Variants in B3GALT1 observed in about 807,000 individuals in gnomAD.
The protein encoded by B3GALT1 is beta-1,3-galactosyltransferase 1.
In B3GALT1, 10 loss-of-function variants were observed where a neutral mutation model predicts 23.2. The ratio of observed to expected loss-of-function variants is 0.43; its 90% CI spans 0.27 to 0.73. B3GALT1 has a LOEUF of 0.73. B3GALT1 is among the 30% of genes least tolerant of loss of function. The probability of loss-of-function intolerance (pLI) is 0.21; values close to 1 mark genes in which losing one functional copy is unlikely to be tolerated. For missense variants in B3GALT1, 299 were observed against 405.4 expected, an observed-to-expected ratio of 0.74 and a Z score of 2.25; for synonymous variants, 156 against 141.5, an observed-to-expected ratio of 1.10 and a Z score of -0.73.
At chr2:167,640,256 G>T (rs1020255781) in intron 2 of B3GALT1, among the ~76,000 whole-genome samples, 8 of 152,048 alleles carry the variant, frequency 5.3e-5, no homozygotes, top group Admixed American at 1.3e-4. Context: ...TATTGCCTCA[G>T]AATTGGGAAA....
intron 3 of B3GALT1, among the ~76,000 whole-genome samples, chr2:167,802,117 A>G (rs1688647639): frequency 6.6e-6 from 1 of 152,190 alleles, no homozygotes; most frequent in South Asian, 2.1e-4. Context: ...GTGGGAATAT[A>G]CTGTAGACCT....
intron 4 of B3GALT1, among the ~76,000 whole-genome samples, chr2:167,827,191 T>G (rs1437902761): frequency 6.6e-6 from 1 of 152,176 alleles, no homozygotes; most frequent in Non-Finnish European, 1.5e-5. Context: ...TTTCATCTAC[T>G]GCCCAAAACA....
intron 4 of B3GALT1, among the ~76,000 whole-genome samples, chr2:167,836,592 G>A (rs1410371911): frequency 6.6e-6 from 1 of 152,096 alleles, no homozygotes; most frequent in African/African-American, 2.4e-5. Flanking sequence ...AACCAAGTTG[G>A]AAAACACTCT....
At chr2:167,542,673 G>T (rs1008123908) in intron 2 of B3GALT1, among the ~76,000 whole-genome samples, 2 of 152,068 alleles carry the variant, frequency 1.3e-5, no homozygotes, top group African/African-American at 4.8e-5. Flanking sequence ...GTCAGATGTT[G>T]ATGGAAAAGC....
rs869066627 is a variant in B3GALT1 at position 167,545,023 on chromosome 2, C to CTTTTTTTTTTT, written c.-410+54767_-410+54777dup. Reference sequence around the variant, plus strand: ...GGAAGGCCGCTTTTGGCTTGGGTGTCTTTTTTTTTTTTTTTTTTTTTTTTT... The same window carrying CTTTTTTTTTTT: ...GGAAGGCCGCTTTTGGCTTGGGTGTCTTTTTTTTTTTTTTTTTTTTTTTTTTTTTTTTTTTT... On this transcript the variant is annotated intron_variant, in intron 2 of 4. Coordinates refer to ENST00000392690, the MANE Select transcript of B3GALT1 (RefSeq NM_020981.4). 4.4e-4 allele frequency among the ~76,000 whole-genome samples: 24 copies of CTTTTTTTTTTT among 54,286 alleles called. 4 individuals carry two copies. Among genetic ancestry groups the CTTTTTTTTTTT allele is most frequent in the African/African-American group, 1.0e-3 (13 of 12,802 alleles). 35.6% of individuals were successfully genotyped at this position (54,286 alleles called of 152,430 possible).
intron 3 of B3GALT1, among the ~76,000 whole-genome samples, chr2:167,680,163 A>G (rs1184515662): frequency 6.6e-6 from 1 of 152,238 alleles, no homozygotes; most frequent in African/African-American, 2.4e-5. Flanking sequence ...TTAGTTCTAC[A>G]TAAATATTTT....
chr2:167,436,884 A>G (rs79634903), intron 1 of B3GALT1, among the ~76,000 whole-genome samples: 10,140 of 152,214 alleles, frequency 0.067, 464 homozygotes, highest in African/African-American at 0.13. Flanking sequence ...GGTTAGTGTC[A>G]TGCTTTCTGG....
chr2:167,297,965 T>G (rs1358267347), intron 1 of B3GALT1, among the ~76,000 whole-genome samples: 1 of 152,146 alleles, frequency 6.6e-6, no homozygotes, highest in African/African-American at 2.4e-5. Context: ...TATTGTCAAC[T>G]CAGTATTTTA....
At chr2:167,778,116 G>A (rs1005328552) in intron 3 of B3GALT1, among the ~76,000 whole-genome samples, 1 of 152,118 alleles carries the variant, frequency 6.6e-6, no homozygotes, top group Non-Finnish European at 1.5e-5. Context: ...CAGTCCATAT[G>A]GAGTTAACAG....
Position 167,305,178 on chromosome 2 carries a change from A to G in B3GALT1, c.-511+11844A>G, listed in dbSNP as rs151088685. Among the ~76,000 whole-genome samples, 5 of 152,298 alleles carry G rather than the reference A, an allele frequency of 3.3e-5. No homozygotes were observed. In the East Asian group the frequency reaches 9.6e-4, roughly 29 times the overall value. On this transcript the variant is annotated intron_variant, in intron 1 of 4. Transcript: ENST00000392690. ...AAATTAACCATCACAGTATCTTTCC[A>G]GATACTGTGCCTATGCACATACAGA...
intron 4 of B3GALT1, among the ~76,000 whole-genome samples, chr2:167,858,466 A>G (rs1690040691): frequency 6.6e-6 from 1 of 152,028 alleles, no homozygotes; most frequent in Non-Finnish European, 1.5e-5. Context: ...TCATGTTTAC[A>G]TTAATAATGA....
At chr2:167,322,499 CAT>C (rs1696829299) in intron 1 of B3GALT1, among the ~76,000 whole-genome samples, 1 of 151,978 alleles carries the variant, frequency 6.6e-6, no homozygotes, top group South Asian at 2.1e-4. Context: ...CTTCTGAACA[CAT>C]GAATGTGCTA....
chr2:167,610,801 T>A (rs1479140153), intron 2 of B3GALT1, among the ~76,000 whole-genome samples: 2 of 151,180 alleles, frequency 1.3e-5, no homozygotes, highest in Admixed American at 1.3e-4. Context: ...CAACCAAACC[T>A]GTGTCTTAAG....
chr2:167,797,444 T>C (rs1688562263), intron 3 of B3GALT1, among the ~76,000 whole-genome samples: 1 of 152,198 alleles, frequency 6.6e-6, no homozygotes, highest in South Asian at 2.1e-4. Flanking sequence ...AATATACAAG[T>C]GCATGTATCT....
chr2:167,781,227 G>A (rs954209517), intron 3 of B3GALT1, among the ~76,000 whole-genome samples: 1 of 152,108 alleles, frequency 6.6e-6, no homozygotes, highest in Admixed American at 6.5e-5. Flanking sequence ...AATACTCAGA[G>A]TTCTTTAATA....
chr2:167,478,955 T>C (rs1325670141), intron 1 of B3GALT1, among the ~76,000 whole-genome samples: 1 of 152,140 alleles, frequency 6.6e-6, no homozygotes, highest in African/African-American at 2.4e-5. Context: ...TGTATGCTAC[T>C]TGGGAGGCTG....
intron 1 of B3GALT1, among the ~76,000 whole-genome samples, chr2:167,460,449 T>C (rs1449674552): frequency 6.6e-6 from 1 of 152,158 alleles, no homozygotes; most frequent in African/African-American, 2.4e-5. Flanking sequence ...AATTTCTTGT[T>C]TCCTTTTAAA....
At chr2:167,562,279 A>G (rs1226357655) in intron 2 of B3GALT1, among the ~76,000 whole-genome samples, 3 of 152,354 alleles carry the variant, frequency 2.0e-5, no homozygotes, top group East Asian at 3.9e-4. Context: ...AAAACTCTCA[A>G]TACATTAGGT....
At chr2:167,693,275 A>G (rs770006789) in intron 3 of B3GALT1, among the ~76,000 whole-genome samples, 70 of 152,238 alleles carry the variant, frequency 4.6e-4, no homozygotes, top group Middle Eastern at 3.4e-3. Flanking sequence ...GATAGAAACA[A>G]AAAAAGAGAT....
Sources: gnomAD v4.1 joint callset for allele counts (sites outside exome capture counted in the v4.1 genomes callset) on GRCh38, gnomAD v4.1.1 for gene constraint, MANE v1.5 for transcripts, NCBI Gene and HGNC (gene_info 2026-07-23, HGNC 2026-07-21) for gene names.